Variants in BMPER observed in about 807,000 individuals in gnomAD.
The protein encoded by BMPER is BMP binding endothelial regulator.
In BMPER, 45 loss-of-function variants were observed where a neutral mutation model predicts 87.3. The observed-to-expected ratio is 0.52, with a 90% CI of 0.41 to 0.66. The LOEUF is 0.66. Among genes scored for constraint, BMPER ranks in the 30% least tolerant of loss-of-function variants. The pLI is 0.00. For missense variants in BMPER, 784 were observed against 867.5 expected, an observed-to-expected ratio of 0.90 and a Z score of 1.21; for synonymous variants, 326 against 316.2, an observed-to-expected ratio of 1.03 and a Z score of -0.33.
intron 5 of BMPER, among the ~76,000 whole-genome samples, chr7:33,972,700 G>T (rs747645978): frequency 5.3e-5 from 8 of 152,196 alleles, no homozygotes; most frequent in Non-Finnish European, 8.8e-5. Context: ...GAGAAGCTTA[G>T]GTCCAGGTGT....
intron 6 of BMPER, among the ~76,000 whole-genome samples, chr7:34,040,431 A>G (rs1422009039): frequency 1.3e-5 from 2 of 152,198 alleles, no homozygotes; most frequent in Non-Finnish European, 2.9e-5. Context: ...GTCCAGAGAC[A>G]ATAGCTTAGT....
chr7:33,985,613 T>C (rs1056760629), intron 6 of BMPER, among the ~76,000 whole-genome samples: 3 of 152,224 alleles, frequency 2.0e-5, no homozygotes, highest in East Asian at 3.8e-4. Context: ...ATAATCAGTA[T>C]ATAGGTGTAT....
intron 3 of BMPER, among the ~76,000 whole-genome samples, chr7:33,966,231 A>G (rs1168908373): frequency 1.3e-5 from 2 of 152,154 alleles, no homozygotes; most frequent in African/African-American, 4.8e-5. Context: ...TCATCAATCT[A>G]TGGCTTTGCA....
intron 3 of BMPER, among the ~76,000 whole-genome samples, chr7:33,942,175 T>C (rs1585660976): frequency 6.6e-6 from 1 of 152,208 alleles, no homozygotes; most frequent in Admixed American, 6.5e-5. Flanking sequence ...TCCTTTTACC[T>C]GAGGGAATGT....
At position 34,086,120 on chromosome 7, in the gene BMPER, T is replaced by A. The variant is rs534989067; in HGVS notation, c.1745+28T>A. 126 of 1,608,590 alleles carry A rather than the reference T, an allele frequency of 7.8e-5. 1 individual carries two copies. The South Asian group carries it at 1.4e-3, about 18-fold the overall frequency. ...AAGTACAGTGTTCTGGGGAATGGTT[T>A]TGGGTTGCAGACCAATAATAGACTT... On this transcript the variant is annotated intron_variant, in intron 13 of 14. Coordinates refer to ENST00000649409, the MANE Select transcript of BMPER (RefSeq NM_001365308.1).
At chr7:33,972,589 G>T (rs752725259) in intron 5 of BMPER, among the ~76,000 whole-genome samples, 1 of 152,008 alleles carries the variant, frequency 6.6e-6, no homozygotes, top group Admixed American at 6.6e-5. Context: ...CCTGAGGTCC[G>T]TGAGTGAGTA....
At chr7:34,007,968 T>G (rs1786780754) in intron 6 of BMPER, among the ~76,000 whole-genome samples, 1 of 151,962 alleles carries the variant, frequency 6.6e-6, no homozygotes, top group Non-Finnish European at 1.5e-5. Flanking sequence ...CAACACAGTA[T>G]TTTTATTGTT....
chr7:33,949,950 T>C (rs1437135188), intron 3 of BMPER, among the ~76,000 whole-genome samples: 2 of 152,122 alleles, frequency 1.3e-5, no homozygotes, highest in African/African-American at 4.8e-5. Context: ...CTTGTTAACA[T>C]TAAAATCATG....
intron 11 of BMPER, among the ~76,000 whole-genome samples, chr7:34,067,561 A>G (rs559383777): frequency 3.3e-5 from 5 of 152,126 alleles, no homozygotes; most frequent in Admixed American, 3.3e-4. Flanking sequence ...TAACTCAGGA[A>G]AGCAAGGAAA....
intron 6 of BMPER, among the ~76,000 whole-genome samples, chr7:34,038,666 G>A (rs1306650725): frequency 6.6e-6 from 1 of 152,144 alleles, no homozygotes; most frequent in African/African-American, 2.4e-5. Context: ...TTAGTTCATA[G>A]TTCTCTTAAT....
rs1788147412 is a variant in BMPER at position 34,051,629 on chromosome 7, T to G, written c.677-232T>G. Among the ~76,000 whole-genome samples the G allele has an allele frequency of 2.6e-5, 4 of 152,184 alleles. No homozygotes were observed. In the South Asian group the frequency reaches 8.3e-4, roughly 32 times the overall value. On this transcript the variant is annotated intron_variant, in intron 7 of 14. Transcript: ENST00000649409. ...TCACTGTGATGAACACATTATAGAT[T>G]TGTTGAACTTACAAGCTTCATTGTG...
chr7:33,932,471 T>C (rs186434016), intron 2 of BMPER, among the ~76,000 whole-genome samples: 1 of 152,360 alleles, frequency 6.6e-6, no homozygotes, highest in East Asian at 1.9e-4. Context: ...CAGGCAGGCT[T>C]TGCTGTCATC....
At chr7:33,992,130 G>C (rs1164465108) in intron 6 of BMPER, among the ~76,000 whole-genome samples, 1 of 151,730 alleles carries the variant, frequency 6.6e-6, no homozygotes, top group East Asian at 1.9e-4. Flanking sequence ...ATGCCTATTA[G>C]GTCCACTTGG....
At chr7:33,976,780 A>G (rs1785698184) in intron 6 of BMPER, among the ~76,000 whole-genome samples, 1 of 152,204 alleles carries the variant, frequency 6.6e-6, no homozygotes, top group African/African-American at 2.4e-5. Context: ...AGCCAGAGTT[A>G]TCCAGTGCTG....
chr7:33,914,508 T>C (rs1280490922), intron 2 of BMPER, among the ~76,000 whole-genome samples: 1 of 152,172 alleles, frequency 6.6e-6, no homozygotes, highest in Non-Finnish European at 1.5e-5. Context: ...GGGTGGGTAG[T>C]AATCAGTTTA....
chr7:33,924,670 C>G (rs769174824), intron 2 of BMPER, among the ~76,000 whole-genome samples: 3 of 152,100 alleles, frequency 2.0e-5, no homozygotes, highest in South Asian at 2.1e-4. Flanking sequence ...TTCTTTCTTT[C>G]TTTTTTTGAG....
At chr7:33,996,912 G>A (rs1786428128) in intron 6 of BMPER, among the ~76,000 whole-genome samples, 2 of 152,058 alleles carry the variant, frequency 1.3e-5, no homozygotes, top group Admixed American at 6.5e-5. Context: ...CTCACTTACA[G>A]CATTCTTATT....
At chr7:34,099,243 A>G (rs927125596) in intron 13 of BMPER, among the ~76,000 whole-genome samples, 1 of 152,110 alleles carries the variant, frequency 6.6e-6, no homozygotes, top group Non-Finnish European at 1.5e-5. Context: ...AGGATTTGAA[A>G]CCAAATCTGT....
At chr7:33,967,728 C>T (rs1301642964) in intron 4 of BMPER, among the ~76,000 whole-genome samples, 1 of 152,104 alleles carries the variant, frequency 6.6e-6, no homozygotes. Flanking sequence ...AAATTTATAC[C>T]ACTTCACCCA....
Sources: gnomAD v4.1 joint callset for allele counts (sites outside exome capture counted in the v4.1 genomes callset) on GRCh38, gnomAD v4.1.1 for gene constraint, MANE v1.5 for transcripts, NCBI Gene and HGNC (gene_info 2026-07-23, HGNC 2026-07-21) for gene names.